TREML1: variants seen among roughly 807,000 people sequenced by gnomAD.
TREML1 encodes trem-like transcript 1 protein.
Under a neutral mutation model 22.8 loss-of-function variants are expected in TREML1, and 27 were observed. The observed-to-expected ratio is 1.19, with a 90% CI of 0.87 to 1.64. TREML1 has a LOEUF of 1.64. Ranked by LOEUF, TREML1 falls within the 40% of genes most tolerant of loss-of-function variation. The pLI is 0.00. For missense variants in TREML1, 356 were observed against 382.0 expected (o/e 0.93, Z 0.57); for synonymous variants, 153 against 161.9 (o/e 0.94, Z 0.42).
chr6:41,150,796 G>A (rs1030515782), intron 4 of TREML1, 23 bp downstream of exon 4: 4 of 1,607,260 alleles, frequency 2.5e-6, no homozygotes, highest in African/African-American at 2.7e-5. Context: ...GGGCCAGGCT[G>A]AGATAGGAAG....
At chr6:41,150,003 A>G (rs1262474340) in intron 5 of TREML1, 85 bp from the exon 6 acceptor site, 9 of 1,324,152 alleles carry the variant, frequency 6.8e-6, no homozygotes, top group Admixed American at 3.8e-5. Flanking sequence ...CACTAGATCT[A>G]TCTCTTGAAT....
intron 4 of TREML1, 46 bp from the exon 5 acceptor site, chr6:41,150,359 T>C: frequency 6.3e-7 from 1 of 1,592,644 alleles, no homozygotes; most frequent in African/African-American, 1.3e-5. Flanking sequence ...CGGGGCTGGC[T>C]CAGAGCCCTT....
In TREML1 at chr6:41,149,617, G is replaced by C; in HGVS notation, c.923C>G (p.Thr308Ser). 1 of 1,611,866 alleles carries C rather than the reference G, an allele frequency of 6.2e-7. No individual in the cohort carries two copies. Among genetic ancestry groups the C allele is most frequent in the Non-Finnish European group, 8.5e-7 (1 of 1,178,400 alleles). The change falls in exon 6 of 6, where the codon ACT (threonine) becomes AGT (serine). Residue 308 changes from threonine (T) to serine (S), a missense_variant. Transcript: ENST00000426005. ...GTGATGAGCAGCTTAGCTGGATGGA[G>C]TCTGATTGTTAGGTGGATTCTGGGC... ...GPAQNPPNNQ[T>S]PSS
chr6:41,150,109 C>T, intron 5 of TREML1, 152 bp downstream of exon 5: 1 of 999,632 alleles, frequency 1.0e-6, no homozygotes, highest in Admixed American at 2.6e-5. Flanking sequence ...CAAGGGAGAC[C>T]ATTAGTGTCA....
chr6:41,150,539 T>C (rs1174065627), intron 4 of TREML1, among the ~76,000 whole-genome samples: 1 of 152,134 alleles, frequency 6.6e-6, no homozygotes, highest in Non-Finnish European at 1.5e-5. Flanking sequence ...GCGCTCAGCC[T>C]ACCTCCCGAG....
At position 41,149,743 on chromosome 6, in the gene TREML1, G is replaced by A. The variant is rs750877525; in HGVS notation, c.797C>T (p.Pro266Leu). The A allele has an allele frequency of 6.2e-7, 1 of 1,614,198 alleles. No individual in the cohort carries two copies. The highest frequency in any genetic ancestry group is 8.5e-7 in the Non-Finnish European group (1 of 1,180,046). The change falls in exon 6 of 6, where the codon CCC becomes CTC. Residue 266 changes from proline to leucine, a missense_variant. Transcript: ENST00000426005. ...KPSLPAPSSLPPLPPKVLVCS... is the reference protein window; with the variant it reads ...KPSLPAPSSLLPLPPKVLVCS... ...GACCAGGACCTTAGGAGGTAGAGGG[G>A]GCAATGAGGATGGAGCTGGGAGTGA...
At position 41,153,801 on chromosome 6, in the gene TREML1, C is replaced by T. The variant is rs200101062; in HGVS notation, c.333G>A (p.Gly111=). ...GAGAGACTCTGTGCAAAATCTGGGGCCCCCTGGCCCCATCCACCATGCAGC... is the reference window on the plus strand; with the variant it reads ...GAGAGACTCTGTGCAAAATCTGGGGTCCCCTGGCCCCATCCACCATGCAGC... ...EYGCMVDGAR[G]PQILHRVSLN... is the part of the protein sequence containing the mutation. Residue 111 remains glycine, a synonymous_variant, in exon 2 of 6, where the codon GGG becomes GGA. Coordinates refer to ENST00000426005, the MANE Select transcript of TREML1 (RefSeq NM_178174.4). 6.8e-6 allele frequency: 11 copies of T among 1,612,948 alleles called. No individual in the cohort carries two copies. The highest frequency in any genetic ancestry group is 2.2e-5 in the East Asian group (1 of 44,870).
Position 41,154,259 on chromosome 6 carries a change from G to A in TREML1, c.30C>T (p.Leu10=). The A allele has an allele frequency of 1.9e-6, 3 of 1,614,084 alleles. No individual in the cohort carries two copies. Among genetic ancestry groups the A allele is most frequent in the Non-Finnish European group, 2.5e-6 (3 of 1,180,004 alleles). Reference sequence around the variant, plus strand: ...CCTGAACCTTACCTTCTAGTCCCAGGAGCAGCAGCAAGAGCAGGGTGAGGC... The same window carrying A: ...CCTGAACCTTACCTTCTAGTCCCAGAAGCAGCAGCAAGAGCAGGGTGAGGC... MGLTLLLLL[L]LGLEGQGIVG... is the part of the protein sequence containing the mutation. Residue 10 remains leucine (L), a synonymous_variant, in exon 1 of 6, where the codon CTC becomes CTT. Coordinates refer to ENST00000426005, the MANE Select transcript of TREML1 (RefSeq NM_178174.4).
At chr6:41,155,297 T>TTCTTGAGTGCA, upstream of TREML1, among the ~76,000 whole-genome samples, 1 of 151,954 alleles carries the variant, frequency 6.6e-6, no homozygotes, top group South Asian at 2.1e-4. Flanking sequence ...ATAGCAAACA[T>TTCTTGAGTGCA]ACCTTGAGTG....
chr6:41,154,361 A>G, upstream of TREML1: 1 of 1,327,116 alleles, frequency 7.5e-7, no homozygotes, highest in Non-Finnish European at 1.1e-6. Context: ...GGCAGGAAAC[A>G]TCTGCCTCAG....
In TREML1 at chr6:41,151,317, A is replaced by G. The variant is rs748701525; in HGVS notation, c.444T>C (p.Ser148=). Reference sequence around the variant, plus strand: ...CCTGGCTGGGTTCCAAAGGGTTGGCACTGCCTGCAGGGTCTGAGAATGCGT... The same window carrying G: ...CCTGGCTGGGTTCCAAAGGGTTGGCGCTGCCTGCAGGGTCTGAGAATGCGT... The part of the protein sequence containing the change: ...AENAFSDPAG[S]ANPLEPSQDE... The change falls in exon 3 of 6, where the codon AGT becomes AGC. Residue 148 remains serine (S), a synonymous_variant. Coordinates refer to ENST00000426005, the MANE Select transcript of TREML1 (RefSeq NM_178174.4). 13 of 1,614,192 alleles carry G rather than the reference A, an allele frequency of 8.1e-6. No individual in the cohort carries two copies. The highest frequency in any genetic ancestry group is 7.7e-5 in the South Asian group (7 of 91,086).
chr6:41,151,470 A>C lies in TREML1; in HGVS notation c.377-86T>G, dbSNP rs1765245419. ...GGCTTCAATATCCTGTTGAGGTCTG[A>C]GGGACTGGAGGAGTGGAGCCAAGGA... On this transcript the variant is annotated intron_variant, in intron 2 of 5. Transcript: ENST00000426005. The C allele has an allele frequency of 4.1e-6, 5 of 1,229,210 alleles. No homozygotes were observed. The East Asian group carries it at 9.4e-5, about 23-fold the overall frequency. The allele number at this position is 1,229,210 out of a possible 1,614,324, so 76.1% of individuals were successfully genotyped here.
Position 41,150,306 on chromosome 6 carries a change from C to G in TREML1, c.576G>C (p.Arg192Ser), listed in dbSNP as rs147804615. 3 of 1,614,038 alleles carry G rather than the reference C, an allele frequency of 1.9e-6. No homozygotes were observed. The highest frequency in any genetic ancestry group is 2.2e-5 in the East Asian group (1 of 44,870). Residue 192 changes from arginine (R) to serine (S), a missense_variant, in exon 5 of 6, where the codon AGG (arginine) becomes AGC (serine). Transcript: ENST00000426005. ...TCAGGAATCGGCCACAGACACCAAG[C>G]CTGTTCCCTGGCAGGACAGACAACA... is the stretch of plus-strand genomic sequence containing the variant. ...AVMAKRKQGNRLGVCGRFLSS... is the reference protein window; with the variant it reads ...AVMAKRKQGNSLGVCGRFLSS...
chr6:41,149,617 G>A lies in TREML1; in HGVS notation c.923C>T (p.Thr308Ile). The A allele has an allele frequency of 6.2e-7, 1 of 1,611,866 alleles. No individual in the cohort carries two copies. Among genetic ancestry groups the A allele is most frequent in the Non-Finnish European group, 8.5e-7 (1 of 1,178,400 alleles). ...GPAQNPPNNQTPSS is the reference protein window; with the variant it reads ...GPAQNPPNNQIPSS Reference sequence around the variant, plus strand: ...GTGATGAGCAGCTTAGCTGGATGGAGTCTGATTGTTAGGTGGATTCTGGGC... The same window carrying A: ...GTGATGAGCAGCTTAGCTGGATGGAATCTGATTGTTAGGTGGATTCTGGGC... Residue 308 changes from threonine (T) to isoleucine (I), a missense_variant, in exon 6 of 6, where the codon ACT (threonine) becomes ATT (isoleucine). Coordinates refer to ENST00000426005, the MANE Select transcript of TREML1 (RefSeq NM_178174.4).
In TREML1 at chr6:41,154,065, A is replaced by C; in HGVS notation, c.69T>G (p.Pro23=). ...TTCCCACGGGTGCCTGCAGCACCTC[A>C]GGGAGGCTGCCAACTATGCCCTGAC... ...LEGQGIVGSL[P]EVLQAPVGSS... The change falls in exon 2 of 6, where the codon CCT becomes CCG. Residue 23 remains proline (P), a synonymous_variant. Transcript: ENST00000426005. 2 of 1,613,448 alleles carry C rather than the reference A, an allele frequency of 1.2e-6. No individual in the cohort carries two copies. Among genetic ancestry groups the C allele is most frequent in the South Asian group, 1.1e-5 (1 of 91,072 alleles).
chr6:41,151,267 C>T lies in TREML1; in HGVS notation c.479+15G>A. On this transcript the variant is annotated intron_variant, in intron 3 of 5. Coordinates refer to ENST00000426005, the MANE Select transcript of TREML1 (RefSeq NM_178174.4). ...CACCCTTCTCCTGGCCTCCCAAATC[C>T]AATCCTGTCAGTACCTCTTCTCATC... The T allele has an allele frequency of 6.2e-7, 1 of 1,612,562 alleles. No homozygotes were observed. Among genetic ancestry groups the T allele is most frequent in the Non-Finnish European group, 8.5e-7 (1 of 1,178,544 alleles).
At chr6:41,154,208 A>T in intron 1 of TREML1, 38 bp downstream of exon 1, 3 of 1,607,840 alleles carry the variant, frequency 1.9e-6, no homozygotes, top group Non-Finnish European at 2.6e-6. Flanking sequence ...GGGGCTGAGC[A>T]TATGGGGCCC....
In TREML1 at chr6:41,149,849, G is replaced by C. The variant is rs150842398; in HGVS notation, c.691C>G (p.His231Asp). 6.2e-7 allele frequency: 1 copy of C among 1,614,178 alleles called. No homozygotes were observed. Among genetic ancestry groups the C allele is most frequent in the South Asian group, 1.1e-5 (1 of 91,088 alleles). The change falls in exon 6 of 6, where the codon CAC (histidine) becomes GAC (aspartate). Residue 231 changes from histidine (H) to aspartate (D), a missense_variant. By Grantham distance (81) the His-to-Asp change is moderately conservative. Transcript: ENST00000426005. Reference protein sequence around the residue: ...PAAELPLDVPHIRLDSPPSFD... With the variant: ...PAAELPLDVPDIRLDSPPSFD... ...GAAGGTGGTGAGTCAAGCCTAATGT[G>C]TGGTACATCCAAAGGCAATTCAGCA...
Position 41,151,322 on chromosome 6 carries a change from C to T in TREML1, c.439G>A (p.Gly147Ser), listed in dbSNP as rs1765240054. 1.2e-6 allele frequency: 2 copies of T among 1,614,226 alleles called. No individual in the cohort carries two copies. The highest frequency in any genetic ancestry group is 1.3e-5 in the African/African-American group (1 of 75,056). The change falls in exon 3 of 6, where the codon GGC becomes AGC. Residue 147 changes from glycine (G) to serine (S), a missense_variant. By Grantham distance (56) the Gly-to-Ser change is moderately conservative. Coordinates refer to ENST00000426005, the MANE Select transcript of TREML1 (RefSeq NM_178174.4). ...LAENAFSDPA[G>S]SANPLEPSQD... Reference sequence around the variant, plus strand: ...CTGGGTTCCAAAGGGTTGGCACTGCCTGCAGGGTCTGAGAATGCGTTCTCA... The same window carrying T: ...CTGGGTTCCAAAGGGTTGGCACTGCTTGCAGGGTCTGAGAATGCGTTCTCA...
Sources: allele counts gnomAD v4.1 joint callset (sites outside exome capture counted in the v4.1 genomes callset), GRCh38; gene constraint gnomAD v4.1.1; transcripts MANE v1.5; gene names NCBI Gene and HGNC (gene_info 2026-07-23, HGNC 2026-07-21).